Variants in RAB18 observed in about 807,000 individuals in gnomAD.
RAB18 encodes RAB18, member RAS oncogene family.
A neutral mutation model predicts 28.5 loss-of-function variants in RAB18; 10 were observed. The ratio of observed to expected loss-of-function variants is 0.35; its 90% CI spans 0.22 to 0.60. The LOEUF (loss-of-function observed/expected upper bound fraction) is 0.60. Ranked by LOEUF, RAB18 falls within the 20% of genes least tolerant of loss-of-function variation. The pLI is 0.78. For missense variants in RAB18, 188 were observed against 244.2 expected (o/e 0.77, Z 1.53); for synonymous variants, 93 against 86.9 (o/e 1.07, Z -0.39).
chr10:27,514,348 A>C (rs1834388575), intron 2 of RAB18: 1 of 152,260 alleles, frequency 6.6e-6, no homozygotes, highest in African/African-American at 2.4e-5. Context: ...TGAAGTATTT[A>C]CTGCTGAGAG....
intron 2 of RAB18, among the ~76,000 whole-genome samples, chr10:27,514,751 T>C (rs916755549): frequency 1.3e-4 from 20 of 151,962 alleles, no homozygotes; most frequent in Non-Finnish European, 2.4e-4. Flanking sequence ...ACACACAAAA[T>C]TGCAAGTTTT....
chr10:27,533,958 C>T lies in RAB18; in HGVS notation c.409C>T (p.Leu137=). The T allele has an allele frequency of 6.2e-7, 1 of 1,608,506 alleles. No individual in the cohort carries two copies. The highest frequency in any genetic ancestry group is 8.5e-7 in the Non-Finnish European group (1 of 1,175,110). Residue 137 remains leucine, a synonymous_variant, in exon 6 of 7, where the codon CTG becomes TTG. Coordinates refer to ENST00000356940, the MANE Select transcript of RAB18 (RefSeq NM_021252.5). The part of the protein sequence containing the change: ...ENREVDRNEG[L]KFARKHSMLF... ...TCGTGAAGTCGATAGAAATGAAGGC[C>T]TGAAATTTGCACGAAAGCATTCCAT...
chr10:27,529,130 A>G (rs926333662), intron 3 of RAB18, among the ~76,000 whole-genome samples: 1 of 151,770 alleles, frequency 6.6e-6, no homozygotes, highest in East Asian at 1.9e-4. Context: ...AGTTGAATAT[A>G]TGTTTGTGTT....
intron 2 of RAB18, among the ~76,000 whole-genome samples, chr10:27,522,968 A>C (rs1366749475): frequency 6.6e-6 from 1 of 151,846 alleles, no homozygotes; most frequent in Admixed American, 6.6e-5. Context: ...TTTTGGATTC[A>C]TTGATTTTTG....
intron 2 of RAB18, among the ~76,000 whole-genome samples, chr10:27,511,771 A>G (rs913422185): frequency 6.6e-6 from 1 of 152,214 alleles, no homozygotes; most frequent in Admixed American, 6.5e-5. Flanking sequence ...CTGTATAGGT[A>G]TCCTCCTTCT....
At chr10:27,519,589 C>T (rs1196357364) in intron 2 of RAB18, among the ~76,000 whole-genome samples, 1 of 151,990 alleles carries the variant, frequency 6.6e-6, no homozygotes, top group African/African-American at 2.4e-5. Context: ...TAAAAATCTA[C>T]GGAATACCCA....
Position 27,509,876 on chromosome 10 carries a change from C to T in RAB18, c.70C>T (p.Leu24=), listed in dbSNP as rs149976113. The change falls in exon 2 of 7, where the codon CTG becomes TTG. Residue 24 remains leucine, a splice_region_variant and synonymous_variant. Coordinates refer to ENST00000356940, the MANE Select transcript of RAB18 (RefSeq NM_021252.5). ...IGESGVGKSS[L]LLRFTDDTFD... ...CTGTCTTTTTAATATCTCTTTCAGC[C>T]TGCTCTTGAGGTTCACAGATGATAC... is the stretch of plus-strand genomic sequence containing the variant. The T allele has an allele frequency of 1.2e-4, 186 of 1,611,628 alleles. No individual in the cohort carries two copies. The highest frequency in any genetic ancestry group is 3.8e-4 in the South Asian group (35 of 91,048).
rs1240009624 is a variant in RAB18, at chr10:27,541,551, T to C, written c.*3500T>C. The C allele has an allele frequency of 2.2e-6, 1 of 453,916 alleles. No individual in the cohort carries two copies. The highest frequency in any genetic ancestry group is 4.4e-6 in the Non-Finnish European group (1 of 226,742). The allele number at this position is 453,916 out of a possible 1,614,324, so 28.1% of individuals were successfully genotyped here. A position where few individuals can be genotyped will look rare whatever the true frequency, so the allele number is the denominator to read the frequency against. On this transcript the variant is annotated 3_prime_UTR_variant, in exon 7 of 7. Coordinates refer to ENST00000356940, the MANE Select transcript of RAB18 (RefSeq NM_021252.5). ...CAATGAATGTAAGCACACACACACCTACACACATATTTTGAATAGTCGTGT... is the reference window on the plus strand; with the variant it reads ...CAATGAATGTAAGCACACACACACCCACACACATATTTTGAATAGTCGTGT...
intron 2 of RAB18, among the ~76,000 whole-genome samples, chr10:27,523,265 C>CTTTTTTTTTTTTTTTT (rs34006982): frequency 1.3e-4 from 10 of 79,516 alleles, no homozygotes; most frequent in East Asian, 5.5e-4. Context: ...TTTTCTTCTT[C>CTTTTTTTTTTTTTTTT]TTTTTTTTTT....
intron 2 of RAB18, among the ~76,000 whole-genome samples, chr10:27,512,085 C>T (rs1834336295): frequency 6.6e-6 from 1 of 151,834 alleles, no homozygotes; most frequent in Non-Finnish European, 1.5e-5. Flanking sequence ...CCACCATGCC[C>T]AGCTCAGGAG....
intron 3 of RAB18, among the ~76,000 whole-genome samples, chr10:27,531,273 A>G (rs970552164): frequency 2.6e-5 from 4 of 152,054 alleles, no homozygotes; most frequent in African/African-American, 9.7e-5. Flanking sequence ...AGTGGTTTAC[A>G]TTGAAACGTT....
intron 2 of RAB18, among the ~76,000 whole-genome samples, chr10:27,524,488 T>C (rs759343273): frequency 2.0e-5 from 3 of 152,234 alleles, no homozygotes; most frequent in Non-Finnish European, 4.4e-5. Context: ...CTAGATAATA[T>C]AGTTAATGGA....
At chr10:27,510,606 T>C (rs1834305937) in intron 2 of RAB18, 1 of 152,648 alleles carries the variant, frequency 6.6e-6, no homozygotes, top group East Asian at 1.9e-4. Context: ...GAAAGGTAGC[T>C]GAGCTGAGTC....
Position 27,540,818 on chromosome 10 carries a change from A to G in RAB18, c.*2767A>G. On this transcript the variant is annotated 3_prime_UTR_variant, in exon 7 of 7. Coordinates refer to ENST00000356940, the MANE Select transcript of RAB18 (RefSeq NM_021252.5). ...GACATTCTAGCTGAGTGTTGTGGAAATAGACTTGATTTTGATTCATCGTAG... is the reference window on the plus strand; with the variant it reads ...GACATTCTAGCTGAGTGTTGTGGAAGTAGACTTGATTTTGATTCATCGTAG... 2.2e-6 allele frequency: 1 copy of G among 454,082 alleles called. No individual in the cohort carries two copies. 28.1% of individuals were successfully genotyped at this position (454,082 alleles called of 1,614,324 possible).
chr10:27,516,326 C>T (rs920426055), intron 2 of RAB18, among the ~76,000 whole-genome samples: 18 of 152,036 alleles, frequency 1.2e-4, no homozygotes, highest in Admixed American at 1.1e-3. Context: ...GAGGCCGAGG[C>T]AGGTGGATCA....
rs1371161866 is a variant in RAB18, at chr10:27,538,684, CA to C, written c.*634del. 16 of 454,002 alleles carry C rather than the reference CA, an allele frequency of 3.5e-5. 1 individual carries two copies. Among genetic ancestry groups the C allele is most frequent in the Admixed American group, 2.8e-4 (12 of 42,542 alleles). 28.1% of individuals were successfully genotyped at this position (454,002 alleles called of 1,614,324 possible). ...TTTTAATTTACTTCAATGATTAGCTCAGTTGCTTAACTGGAGTTTTAATCCT... is the reference window on the plus strand; with the variant it reads ...TTTTAATTTACTTCAATGATTAGCTCGTTGCTTAACTGGAGTTTTAATCCT... On this transcript the variant is annotated 3_prime_UTR_variant, in exon 7 of 7. Transcript: ENST00000356940.
chr10:27,537,131 C>T (rs1009655419), intron 6 of RAB18, among the ~76,000 whole-genome samples: 11 of 152,278 alleles, frequency 7.2e-5, no homozygotes, highest in African/African-American at 2.6e-4. Flanking sequence ...GCAGCAGGGA[C>T]AGTTTATCCA....
chr10:27,514,383 C>T (rs181647856), intron 2 of RAB18, among the ~76,000 whole-genome samples: 123 of 151,780 alleles, frequency 8.1e-4, no homozygotes, highest in Non-Finnish European at 1.5e-3. Context: ...CATAAGAGGC[C>T]GGGGAAGAAA....
At chr10:27,508,545 A>G (rs750962332) in intron 1 of RAB18, among the ~76,000 whole-genome samples, 1 of 152,190 alleles carries the variant, frequency 6.6e-6, no homozygotes, top group Non-Finnish European at 1.5e-5. Flanking sequence ...GAAAAATTTT[A>G]TAGGTAGTCT....
Sources: gnomAD v4.1 joint callset for allele counts (sites outside exome capture counted in the v4.1 genomes callset) on GRCh38, gnomAD v4.1.1 for gene constraint, MANE v1.5 for transcripts, NCBI Gene and HGNC (gene_info 2026-07-23, HGNC 2026-07-21) for gene names.